PLA2G6: variants seen among roughly 807,000 people sequenced by gnomAD.
The protein encoded by PLA2G6 is phospholipase A2 group VI.
A neutral mutation model predicts 83.8 loss-of-function variants in PLA2G6; 62 were observed. The ratio of observed to expected loss-of-function variants is 0.74; its 90% CI spans 0.60 to 0.91. PLA2G6 has a LOEUF of 0.91. Among genes scored for constraint, PLA2G6 ranks in the 40% least tolerant of loss-of-function variants. The pLI is 0.00. For synonymous variants in PLA2G6, 417 were observed against 449.8 expected (o/e 0.93, Z 0.92); for missense variants, 944 against 1,102.0 (o/e 0.86, Z 2.03).
At chr22:38,169,063 C>T (rs1036014131) in intron 2 of PLA2G6, among the ~76,000 whole-genome samples, 155 bp downstream of exon 2, 5 of 151,978 alleles carry the variant, frequency 3.3e-5, no homozygotes, top group East Asian at 1.9e-4. Flanking sequence ...AAGCCCTTCC[C>T]TCTGGTCCAA....
At chr22:38,181,495 A>C (rs1410554115) in intron 1 of PLA2G6, among the ~76,000 whole-genome samples, 169 bp downstream of exon 1, 4 of 152,034 alleles carry the variant, frequency 2.6e-5, no homozygotes, top group African/African-American at 9.7e-5. Flanking sequence ...CACACGGAGG[A>C]GACTGGGGTT....
chr22:38,143,382 A>T, intron 3 of PLA2G6, 94 bp from the exon 4 acceptor site: 1 of 1,219,776 alleles, frequency 8.2e-7, no homozygotes, highest in African/African-American at 1.5e-5. Context: ...GCACTCGGAA[A>T]CTCGGACTTT....
intron 10 of PLA2G6, among the ~76,000 whole-genome samples, chr22:38,125,348 G>C (rs574344700): frequency 1.3e-5 from 2 of 152,188 alleles, no homozygotes; most frequent in Non-Finnish European, 2.9e-5. Context: ...GTGTGCCCGC[G>C]TGCAAGAGCA....
rs1213674178 is a variant in PLA2G6 at position 38,132,860 on chromosome 22, C to T, written c.1048G>A (p.Gly350Ser). The T allele has an allele frequency of 5.2e-6, 8 of 1,550,972 alleles. No individual in the cohort carries two copies. The highest frequency in any genetic ancestry group is 7.0e-6 in the Non-Finnish European group (8 of 1,148,916). ...GANADARGEHGNTPLHLAMSK... is the reference protein window; with the variant it reads ...GANADARGEHSNTPLHLAMSK... ...ATGGCCAGGTGCAGCGGGGTGTTGC[C>T]GTGCTCTCCGCGGGCATCCGCGTTG... Residue 350 changes from glycine (G) to serine (S), a missense_variant, in exon 7 of 17, where the codon GGC (glycine) becomes AGC (serine). Coordinates refer to ENST00000332509, the MANE Select transcript of PLA2G6 (RefSeq NM_003560.4). This position sits in a 1 kb window ranked among gnomAD's most constrained non-coding sequence, Gnocchi z 5.0.
In PLA2G6 at chr22:38,130,034, C is replaced by T. The variant is rs185604222; in HGVS notation, c.1078-472G>A. 6.1e-4 allele frequency among the ~76,000 whole-genome samples: 93 copies of T among 152,252 alleles called. No homozygotes were observed. In the Middle Eastern group the frequency reaches 0.024, roughly 39 times the overall value. ...CACACGTGCCCCTAATGGCAGCCTT[C>T]GGGGGAGTGTCCCCACGAAGAACGT... On this transcript the variant is annotated intron_variant, in intron 7 of 16. Transcript: ENST00000332509.
At chr22:38,143,387 G>C in intron 3 of PLA2G6, 99 bp from the exon 4 acceptor site, 1 of 1,164,884 alleles carries the variant, frequency 8.6e-7, no homozygotes, top group Non-Finnish European at 1.3e-6. Context: ...CGGAAACTCG[G>C]ACTTTCTGGT....
rs556466574 is a variant in PLA2G6 at position 38,124,898 on chromosome 22, C to T, written c.1427+1473G>A. Among the ~76,000 whole-genome samples the T allele has an allele frequency of 3.3e-5, 5 of 152,312 alleles. No individual in the cohort carries two copies. The East Asian group carries it at 7.7e-4, about 24-fold the overall frequency. ...AAAGCAAACTCCCGAAGATGCGGGG[C>T]TGGCGACAGAGATCAACCCAGAGGG... On this transcript the variant is annotated intron_variant, in intron 10 of 16. Coordinates refer to ENST00000332509, the MANE Select transcript of PLA2G6 (RefSeq NM_003560.4).
chr22:38,159,283 C>A (rs1006960789), intron 2 of PLA2G6, among the ~76,000 whole-genome samples: 1 of 152,170 alleles, frequency 6.6e-6, no homozygotes, highest in South Asian at 2.1e-4. Context: ...TAGAAAAATT[C>A]CTTGAAAACA....
chr22:38,113,188 G>A (rs2086985406), intron 15 of PLA2G6, among the ~76,000 whole-genome samples: 1 of 152,084 alleles, frequency 6.6e-6, no homozygotes, highest in Admixed American at 6.5e-5. Context: ...ATTACAGGGT[G>A]AGCGCCCAGC....
chr22:38,152,320 C>T (rs1349666319), intron 2 of PLA2G6, among the ~76,000 whole-genome samples: 1 of 152,090 alleles, frequency 6.6e-6, no homozygotes, highest in Admixed American at 6.6e-5. Flanking sequence ...CCTGCCTCAG[C>T]CTCCCGAGTA....
intron 2 of PLA2G6, among the ~76,000 whole-genome samples, chr22:38,158,066 C>G (rs1202895034): frequency 1.3e-5 from 2 of 151,852 alleles, no homozygotes; most frequent in Non-Finnish European, 2.9e-5. Context: ...GAAGGCTAGT[C>G]TGATACAGGC....
intron 10 of PLA2G6, among the ~76,000 whole-genome samples, chr22:38,124,099 T>A (rs188415874): frequency 6.6e-6 from 1 of 152,288 alleles, no homozygotes; most frequent in East Asian, 1.9e-4. Context: ...CCTCCCAAAG[T>A]GCTGGGATTA....
intron 2 of PLA2G6, among the ~76,000 whole-genome samples, chr22:38,164,549 G>A (rs1484785918): frequency 6.6e-6 from 1 of 152,188 alleles, no homozygotes; most frequent in Non-Finnish European, 1.5e-5. Flanking sequence ...TATCAGCAGG[G>A]TCCAGTCTCT....
intron 1 of PLA2G6, among the ~76,000 whole-genome samples, chr22:38,175,382 C>G (rs1051509361): frequency 2.6e-5 from 4 of 152,100 alleles, no homozygotes; most frequent in Non-Finnish European, 5.9e-5. Context: ...TGGCCAGTGG[C>G]GCCCCATGAC....
intron 14 of PLA2G6, among the ~76,000 whole-genome samples, chr22:38,114,256 C>T (rs1449028618): frequency 6.6e-6 from 1 of 151,830 alleles, no homozygotes; most frequent in African/African-American, 2.4e-5. Context: ...TCTCGGCTCA[C>T]TGCAAGCTCC....
intron 1 of PLA2G6, among the ~76,000 whole-genome samples, chr22:38,177,764 G>A (rs886814608): frequency 5.3e-5 from 8 of 151,956 alleles, no homozygotes; most frequent in Non-Finnish European, 1.0e-4. Context: ...GCGCCCGGCC[G>A]AATTGCCACA....
At position 38,145,673 on chromosome 22, in the gene PLA2G6, G is replaced by C; in HGVS notation, c.210-20C>G. ...AAGAGTCTGTAGAGCCAGGACAGAG[G>C]AGCAAGACCCGAAATGAGTAAGGCG... is the stretch of plus-strand genomic sequence containing the variant. On this transcript the variant is annotated intron_variant, in intron 2 of 16. Coordinates refer to ENST00000332509, the MANE Select transcript of PLA2G6 (RefSeq NM_003560.4). The C allele has an allele frequency of 1.3e-6, 2 of 1,564,052 alleles. No individual in the cohort carries two copies. Among genetic ancestry groups the C allele is most frequent in the African/African-American group, 2.7e-5 (2 of 74,074 alleles).
chr22:38,127,582 T>G, intron 9 of PLA2G6: 1 of 594,618 alleles, frequency 1.7e-6, no homozygotes, highest in Admixed American at 2.5e-5. Flanking sequence ...TTGGTCGGGC[T>G]ACCCTGGCTG....
At chr22:38,147,992 G>A (rs746326869) in intron 2 of PLA2G6, 14 of 159,828 alleles carry the variant, frequency 8.8e-5, no homozygotes, top group Non-Finnish European at 1.5e-4. Context: ...AGGAGGAGGC[G>A]GAAGGAAGCC....
Sources: gnomAD v4.1 joint callset for allele counts (sites outside exome capture counted in the v4.1 genomes callset) on GRCh38, gnomAD v4.1.1 for gene constraint, Gnocchi (gnomAD v3.1) non-coding constraint, MANE v1.5 for transcripts, NCBI Gene and HGNC (gene_info 2026-07-23, HGNC 2026-07-21) for gene names.